The following CCDC91 variants were observed in gnomAD, a reference collection of about 807,000 sequenced individuals.
CCDC91 encodes the protein coiled-coil domain-containing protein 91.
Under a neutral mutation model 63.2 loss-of-function variants are expected in CCDC91, and 48 were observed. The observed-to-expected ratio is 0.76, with a 90% CI of 0.60 to 0.97. The LOEUF (loss-of-function observed/expected upper bound fraction) is 0.97, where lower values mean the gene tolerates loss of function less well. CCDC91 is among the 50% of genes least tolerant of loss of function. CCDC91 has a pLI of 0.00. For synonymous variants in CCDC91, 167 were observed against 165.8 expected (o/e 1.01, Z -0.06); for missense variants, 500 against 494.6 (o/e 1.01, Z -0.10).
intron 7 of CCDC91, among the ~76,000 whole-genome samples, chr12:28,367,617 A>G (rs1242169432): frequency 6.6e-6 from 1 of 152,240 alleles, no homozygotes; most frequent in Non-Finnish European, 1.5e-5. Flanking sequence ...GGCAAAAGAT[A>G]ATACTGCATA....
intron 8 of CCDC91, among the ~76,000 whole-genome samples, chr12:28,414,627 C>T (rs1947527123): frequency 6.6e-6 from 1 of 152,148 alleles, no homozygotes. Context: ...CATTTGATCA[C>T]ACTTGGCTAT....
chr12:28,418,380 G>A (rs559962710), intron 8 of CCDC91, among the ~76,000 whole-genome samples: 1 of 152,068 alleles, frequency 6.6e-6, no homozygotes, highest in African/African-American at 2.4e-5. Flanking sequence ...ACAAAAAACT[G>A]TTTTAATTAT....
At chr12:28,486,530 A>G (rs1951735539) in intron 12 of CCDC91, among the ~76,000 whole-genome samples, 1 of 152,044 alleles carries the variant, frequency 6.6e-6, no homozygotes, top group African/African-American at 2.4e-5. Flanking sequence ...TCTTTGGTTG[A>G]GATGGATGAT....
chr12:28,495,197 G>A (rs546279279), intron 12 of CCDC91, among the ~76,000 whole-genome samples: 5 of 151,838 alleles, frequency 3.3e-5, no homozygotes, highest in South Asian at 4.1e-4. Context: ...TGCGATAGAC[G>A]TTTTCAAGGA....
At chr12:28,208,919 G>C (rs1321500949) in intron 1 of CCDC91, among the ~76,000 whole-genome samples, 1 of 152,026 alleles carries the variant, frequency 6.6e-6, no homozygotes, top group Non-Finnish European at 1.5e-5. Flanking sequence ...TCCTGCTTCA[G>C]CCTCCTGAGT....
At chr12:28,227,941 C>T (rs994730051) in intron 1 of CCDC91, among the ~76,000 whole-genome samples, 2 of 152,048 alleles carry the variant, frequency 1.3e-5, no homozygotes, top group Admixed American at 6.6e-5. Context: ...TAGAAATTTT[C>T]TAAGGATTAA....
intron 6 of CCDC91, among the ~76,000 whole-genome samples, chr12:28,359,679 A>T (rs1943748480): frequency 6.6e-6 from 1 of 152,132 alleles, no homozygotes; most frequent in African/African-American, 2.4e-5. Flanking sequence ...TCTGGGTAAC[A>T]CTAGTGTATC....
chr12:28,400,039 GGCTCT>G (rs1245377541), intron 8 of CCDC91, among the ~76,000 whole-genome samples: 1 of 152,140 alleles, frequency 6.6e-6, no homozygotes, highest in Non-Finnish European at 1.5e-5. Context: ...TGTGTGTGGG[GGCTCT>G]GACCCCACAG....
At chr12:28,487,006 GA>G (rs1436159544) in intron 12 of CCDC91, among the ~76,000 whole-genome samples, 1 of 151,890 alleles carries the variant, frequency 6.6e-6, no homozygotes, top group African/African-American at 2.4e-5. Flanking sequence ...ATTATTTACA[GA>G]AAGTAGAAAT....
At chr12:28,478,641 A>G (rs190579849) in intron 11 of CCDC91, among the ~76,000 whole-genome samples, 2 of 152,354 alleles carry the variant, frequency 1.3e-5, no homozygotes, top group African/African-American at 4.8e-5. Context: ...GAGCTTCTGC[A>G]CAGCAAAAGA....
chr12:28,429,583 T>C (rs902074810), intron 8 of CCDC91, among the ~76,000 whole-genome samples: 1 of 152,156 alleles, frequency 6.6e-6, no homozygotes, highest in African/African-American at 2.4e-5. Context: ...TTCTTGACTT[T>C]TTAGGGAAGA....
Position 28,305,779 on chromosome 12 carries a change from T to A in CCDC91, c.240T>A (p.Ile80=), listed in dbSNP as rs529538211. ...AGAATACACATGCAGCAAATAGCAT[T>A]GTGAGTCAAACTATTCCAAAAGCAC... ...SPENTHAANS[I]VSQTIPKAQI... is the part of the protein sequence containing the mutation. Residue 80 remains isoleucine, a synonymous_variant, in exon 4 of 13, where the codon ATT becomes ATA. Coordinates refer to ENST00000536442, the MANE Select transcript of CCDC91 (RefSeq NM_018318.5). The A allele has an allele frequency of 1.1e-5, 18 of 1,612,902 alleles. No homozygotes were observed. The African/African-American group carries it at 2.4e-4, about 22-fold the overall frequency.
chr12:28,319,014 C>T (rs1178395925), intron 6 of CCDC91, among the ~76,000 whole-genome samples: 8 of 151,902 alleles, frequency 5.3e-5, no homozygotes, highest in African/African-American at 1.9e-4. Flanking sequence ...TTTAATACCA[C>T]CTAATTCAGA....
intron 7 of CCDC91, among the ~76,000 whole-genome samples, chr12:28,376,769 A>C (rs1170573755): frequency 6.6e-6 from 1 of 151,840 alleles, no homozygotes; most frequent in African/African-American, 2.4e-5. Context: ...GGTAGATATT[A>C]GTGCTTGAGG....
At chr12:28,364,463 ATTTT>A (rs1240567373) in intron 7 of CCDC91, among the ~76,000 whole-genome samples, 1 of 152,190 alleles carries the variant, frequency 6.6e-6, no homozygotes, top group Non-Finnish European at 1.5e-5. Flanking sequence ...TGTTTTTAAT[ATTTT>A]TTCTGTTAAT....
At position 28,396,713 on chromosome 12, in the gene CCDC91, A is replaced by T. The variant is rs75331836; in HGVS notation, c.762+5302A>T. Among the ~76,000 whole-genome samples the T allele has an allele frequency of 6.7e-3, 1,015 of 151,882 alleles. 7 individuals are homozygous for T. The highest frequency in any genetic ancestry group is 0.023 in the African/African-American group (933 of 41,412). On this transcript the variant is annotated intron_variant, in intron 8 of 12. Transcript: ENST00000536442. Reference sequence around the variant, plus strand: ...GTGTGTGTGTTTGTGACACAAACACATATATTTTATATATATAAGTATGTT... The same window carrying T: ...GTGTGTGTGTTTGTGACACAAACACTTATATTTTATATATATAAGTATGTT...
At chr12:28,475,909 A>C (rs1389888161) in intron 11 of CCDC91, among the ~76,000 whole-genome samples, 2 of 151,972 alleles carry the variant, frequency 1.3e-5, no homozygotes, top group African/African-American at 4.8e-5. Context: ...ATGAATGGAG[A>C]CATTATGGTT....
At chr12:28,277,191 A>C (rs1283204939) in intron 3 of CCDC91, among the ~76,000 whole-genome samples, 5 of 152,000 alleles carry the variant, frequency 3.3e-5, no homozygotes, top group Admixed American at 3.3e-4. Context: ...CAATAACCCC[A>C]AAACTGACCT....
chr12:28,283,040 G>C (rs775903160), intron 3 of CCDC91, among the ~76,000 whole-genome samples: 3 of 151,966 alleles, frequency 2.0e-5, no homozygotes, highest in Admixed American at 6.6e-5. Context: ...TGTATTTCTA[G>C]GTTCTCCATT....
Sources: gnomAD v4.1 joint callset for allele counts (sites outside exome capture counted in the v4.1 genomes callset) on GRCh38, gnomAD v4.1.1 for gene constraint, MANE v1.5 for transcripts, NCBI Gene and HGNC (gene_info 2026-07-23, HGNC 2026-07-21) for gene names.